ESF1: variants seen among roughly 807,000 people sequenced by gnomAD.
The protein encoded by ESF1 is ESF1 homolog.
A neutral mutation model predicts 92.0 loss-of-function variants in ESF1; 58 were observed. The ratio of observed to expected loss-of-function variants is 0.63; its 90% CI spans 0.51 to 0.78. ESF1 has a LOEUF of 0.78. Among genes scored for constraint, ESF1 ranks in the 30% least tolerant of loss-of-function variants. The pLI, the probability that ESF1 is intolerant of heterozygous loss-of-function variation, is 0.00. For missense variants in ESF1, 922 were observed against 989.1 expected (o/e 0.93, Z 0.91); for synonymous variants, 321 against 313.7 (o/e 1.02, Z -0.24).
intron 9 of ESF1, among the ~76,000 whole-genome samples, chr20:13,745,821 T>C (rs538239223): frequency 6.6e-6 from 1 of 151,964 alleles, no homozygotes; most frequent in African/African-American, 2.4e-5. Flanking sequence ...AGTTCAAAAT[T>C]AACAAAACTA....
intron 11 of ESF1, among the ~76,000 whole-genome samples, chr20:13,719,611 A>G (rs373120213): frequency 6.6e-6 from 1 of 152,240 alleles, no homozygotes; most frequent in African/African-American, 2.4e-5. Context: ...GCCTTATCTC[A>G]TAATACATAA....
chr20:13,723,390 C>G (rs1175285825), intron 11 of ESF1, among the ~76,000 whole-genome samples: 1 of 151,458 alleles, frequency 6.6e-6, no homozygotes. Context: ...TGTAAAATTA[C>G]AAAAAATAAA....
intron 9 of ESF1, among the ~76,000 whole-genome samples, chr20:13,743,671 A>G (rs2050029823): frequency 6.6e-6 from 1 of 152,202 alleles, no homozygotes; most frequent in Non-Finnish European, 1.5e-5. Context: ...GGAATCTAAA[A>G]AAGTCAAACT....
chr20:13,750,740 A>G (rs1429451606), intron 9 of ESF1, among the ~76,000 whole-genome samples: 1 of 152,214 alleles, frequency 6.6e-6, no homozygotes, highest in Non-Finnish European at 1.5e-5. Flanking sequence ...GCGCTTTGGG[A>G]GGCCAAGGAG....
At position 13,783,156 on chromosome 20, in the gene ESF1, T is replaced by G. The variant is rs761439983; in HGVS notation, c.-16A>C. The G allele has an allele frequency of 1.8e-5, 28 of 1,585,984 alleles. No individual in the cohort carries two copies. Among genetic ancestry groups the G allele is most frequent in the Non-Finnish European group, 2.3e-5 (27 of 1,164,000 alleles). On this transcript the variant is annotated 5_prime_UTR_variant, in exon 2 of 14. Coordinates refer to ENST00000617257, the MANE Select transcript of ESF1 (RefSeq NM_001276380.2). ...TGGATGACATTTTTAATTCTTAATCTCGACCAAATGCTTGAAGAAAACAAA... is the reference window on the plus strand; with the variant it reads ...TGGATGACATTTTTAATTCTTAATCGCGACCAAATGCTTGAAGAAAACAAA...
rs1568732195 is a variant in ESF1, at chr20:13,782,563, G to A, written c.578C>T (p.Ser193Phe). ...GATTCTGGGAGATTTCACAATTTCA[G>A]AGGTGCCTGAGTCTAATGTCCTTTG... The part of the protein sequence containing the change: ...EKQRTLDSGT[S>F]EIVKSPRIEC... The change falls in exon 2 of 14, where the codon TCT (serine) becomes TTT (phenylalanine). Residue 193 changes from serine to phenylalanine, a missense_variant. Physicochemically the swap from Ser to Phe is radical, Grantham distance 155. Coordinates refer to ENST00000617257, the MANE Select transcript of ESF1 (RefSeq NM_001276380.2). The A allele has an allele frequency of 1.3e-6, 2 of 1,573,466 alleles. No homozygotes were observed. Among genetic ancestry groups the A allele is most frequent in the Non-Finnish European group, 8.6e-7 (1 of 1,168,816 alleles).
chr20:13,734,701 T>C (rs928158827), intron 9 of ESF1, among the ~76,000 whole-genome samples: 6 of 152,158 alleles, frequency 3.9e-5, no homozygotes, highest in Non-Finnish European at 8.8e-5. Flanking sequence ...AAGATGTTTT[T>C]TATTTTGTAG....
At chr20:13,727,491 T>G (rs976797878) in intron 11 of ESF1, among the ~76,000 whole-genome samples, 3 of 152,240 alleles carry the variant, frequency 2.0e-5, no homozygotes, top group African/African-American at 7.2e-5. Flanking sequence ...CTTCATAAAC[T>G]CCTTCTCTTT....
At position 13,752,704 on chromosome 20, in the gene ESF1, T is replaced by C. The variant is rs547611389; in HGVS notation, c.1828+6988A>G. Among the ~76,000 whole-genome samples, 42 of 152,342 alleles carry C rather than the reference T, an allele frequency of 2.8e-4. 1 individual carries two copies. The South Asian group carries it at 7.9e-3, about 29-fold the overall frequency. ...TACAATGGCCACATATGCATGTCAC[T>C]GATGTCTCTGTTTAAGCTACTCAGT... is the stretch of plus-strand genomic sequence containing the variant. On this transcript the variant is annotated intron_variant, in intron 9 of 13. Transcript: ENST00000617257.
At chr20:13,762,762 T>C (rs905167133) in intron 8 of ESF1, 9 of 355,684 alleles carry the variant, frequency 2.5e-5, no homozygotes, top group Admixed American at 1.3e-4. Flanking sequence ...AATTAGATTA[T>C]AGTAAATTTG....
At chr20:13,758,578 T>C (rs1979008543) in intron 9 of ESF1, among the ~76,000 whole-genome samples, 2 of 152,182 alleles carry the variant, frequency 1.3e-5, no homozygotes, top group Admixed American at 1.3e-4. Flanking sequence ...ATATGTTTTA[T>C]TCCCAATACA....
At chr20:13,762,832 CAA>C (rs752306240) in intron 8 of ESF1, 15 of 281,542 alleles carry the variant, frequency 5.3e-5, no homozygotes, top group Admixed American at 1.1e-4. Context: ...GTATCTCAAA[CAA>C]AAAGTCATTA....
At chr20:13,749,648 C>A (rs1201571668) in intron 9 of ESF1, among the ~76,000 whole-genome samples, 2 of 152,070 alleles carry the variant, frequency 1.3e-5, no homozygotes, top group Non-Finnish European at 2.9e-5. Flanking sequence ...TCACTGCAAC[C>A]TCCACTTGCC....
At chr20:13,761,425 AAAAG>A (rs1979196452) in intron 8 of ESF1, among the ~76,000 whole-genome samples, 1 of 151,790 alleles carries the variant, frequency 6.6e-6, no homozygotes, top group Non-Finnish European at 1.5e-5. Flanking sequence ...AAAAAAAAAA[AAAAG>A]AAGATGGCAT....
At chr20:13,743,703 T>C (rs1028385604) in intron 9 of ESF1, among the ~76,000 whole-genome samples, 2 of 152,034 alleles carry the variant, frequency 1.3e-5, no homozygotes, top group African/African-American at 4.8e-5. Flanking sequence ...AGTAAAACAA[T>C]GGTTGCCAAG....
In ESF1 at chr20:13,772,619, A is replaced by T; in HGVS notation, c.1150-4T>A. On this transcript the variant is annotated splice_polypyrimidine_tract_variant and splice_region_variant and intron_variant, in intron 4 of 13. Coordinates refer to ENST00000617257, the MANE Select transcript of ESF1 (RefSeq NM_001276380.2). The stretch of plus-strand genomic sequence containing the variant: ...TTCCAAATTCTGAAGGATATATCTA[A>T]ACAGAAAAAAATAGGATCAATGTAA... The T allele has an allele frequency of 6.3e-7, 1 of 1,590,224 alleles. No individual in the cohort carries two copies. The highest frequency in any genetic ancestry group is 1.7e-5 in the Admixed American group (1 of 59,970).
intron 9 of ESF1, among the ~76,000 whole-genome samples, chr20:13,754,689 C>G (rs1038005584): frequency 6.6e-6 from 1 of 152,214 alleles, no homozygotes; most frequent in East Asian, 1.9e-4. Context: ...CCTTGCCCCC[C>G]ACTTTAATCT....
rs745572345 is a variant in ESF1, at chr20:13,717,451, T to C, written c.2179A>G (p.Lys727Glu). Residue 727 changes from lysine (K) to glutamate (E), a missense_variant, in exon 13 of 14, where the codon AAG becomes GAG. By Grantham distance (56) the Lys-to-Glu change is moderately conservative (BLOSUM62 1). Transcript: ENST00000617257. ...EDSKKHFNYN[K>E]IVEHQNLSKK... ...CTCAGATTCTGGTGCTCCACAATCT[T>C]GTTGTAATTGAAGTGTTTCTTACTG... is the stretch of plus-strand genomic sequence containing the variant. The C allele has an allele frequency of 8.7e-6, 14 of 1,614,144 alleles. No individual in the cohort carries two copies. Among genetic ancestry groups the C allele is most frequent in the Non-Finnish European group, 1.2e-5 (14 of 1,180,016 alleles).
In ESF1 at chr20:13,714,569, C is replaced by T. The variant is rs1390622949; in HGVS notation, c.*305G>A. 5.4e-6 allele frequency: 1 copy of T among 185,760 alleles called. No homozygotes were observed. Among genetic ancestry groups the T allele is most frequent in the African/African-American group, 2.3e-5 (1 of 42,650 alleles). 11.5% of individuals were successfully genotyped at this position (185,760 alleles called of 1,614,324 possible). On this transcript the variant is annotated 3_prime_UTR_variant, in exon 14 of 14. Coordinates refer to ENST00000617257, the MANE Select transcript of ESF1 (RefSeq NM_001276380.2). ...CTCTATTTTTACACAGAATTGTAAA[C>T]AGCCTTTTAAAAAGCTAGAGTAACT...
Sources: gnomAD v4.1 joint callset for allele counts (sites outside exome capture counted in the v4.1 genomes callset) on GRCh38, gnomAD v4.1.1 for gene constraint, MANE v1.5 for transcripts, NCBI Gene and HGNC (gene_info 2026-07-23, HGNC 2026-07-21) for gene names.